The following DPYD variants were observed in gnomAD, a reference collection of about 807,000 sequenced individuals.
DPYD encodes the protein dihydropyrimidine dehydrogenase.
A neutral mutation model predicts 116.2 loss-of-function variants in DPYD; 109 were observed. The ratio of observed to expected loss-of-function variants is 0.94; its 90% CI spans 0.80 to 1.10. The LOEUF is 1.10. Among genes scored for constraint, DPYD ranks in the 50% least tolerant of loss-of-function variants. The pLI is 0.00. For synonymous variants in DPYD, 440 were observed against 432.0 expected, an observed-to-expected ratio of 1.02 and a Z score of -0.23; for missense variants, 1,302 against 1,254.5, an observed-to-expected ratio of 1.04 and a Z score of -0.57.
rs572719001 is a variant in DPYD, at chr1:97,716,737, G to T, written c.483+4773C>A. ...TTTCTAAACTTCAACATTCATTTGA[G>T]AATTCCACATTCTTTGTACAATTAT... On this transcript the variant is annotated intron_variant, in intron 5 of 22. Transcript: ENST00000370192. Among the ~76,000 whole-genome samples, 5 of 152,096 alleles carry T rather than the reference G, an allele frequency of 3.3e-5. No homozygotes were observed. The East Asian group carries it at 9.7e-4, about 29-fold the overall frequency.
chr1:97,661,628 T>TAAGG (rs1487150675), intron 8 of DPYD, among the ~76,000 whole-genome samples: 2 of 152,146 alleles, frequency 1.3e-5, no homozygotes, highest in Admixed American at 6.5e-5. Context: ...GAAGCAAACT[T>TAAGG]AAAGTCAATC....
At chr1:97,699,967 G>A (rs1400633359) in intron 5 of DPYD, among the ~76,000 whole-genome samples, 1 of 152,054 alleles carries the variant, frequency 6.6e-6, no homozygotes, top group Non-Finnish European at 1.5e-5. Flanking sequence ...ATAGGAGTTA[G>A]CATTGCGATG....
At chr1:97,482,672 C>T (rs540326055) in intron 13 of DPYD, among the ~76,000 whole-genome samples, 1 of 152,168 alleles carries the variant, frequency 6.6e-6, no homozygotes, top group South Asian at 2.1e-4. Flanking sequence ...ATACGAGTAG[C>T]CATTAAAGAG....
rs534128724 is a variant in DPYD at position 97,628,406 on chromosome 1, A to G, written c.851-33240T>C. Among the ~76,000 whole-genome samples, 7 of 152,138 alleles carry G rather than the reference A, an allele frequency of 4.6e-5. No individual in the cohort carries two copies. The South Asian group carries it at 1.4e-3, about 31-fold the overall frequency. ...TCTTATTGTGTATGGGAAAGAGAAAATATTCTCAGACATTAACAGTTAAAT... is the reference window on the plus strand; with the variant it reads ...TCTTATTGTGTATGGGAAAGAGAAAGTATTCTCAGACATTAACAGTTAAAT... On this transcript the variant is annotated intron_variant, in intron 8 of 22. Transcript: ENST00000370192.
chr1:97,318,088 C>T (rs1667975846), intron 16 of DPYD, among the ~76,000 whole-genome samples: 1 of 146,308 alleles, frequency 6.8e-6, no homozygotes, highest in Non-Finnish European at 1.5e-5. Context: ...AAGCGCTAAA[C>T]ATGGAAAGGA....
At chr1:97,246,870 G>A (rs1662754446) in intron 18 of DPYD, among the ~76,000 whole-genome samples, 1 of 151,940 alleles carries the variant, frequency 6.6e-6, no homozygotes, top group African/African-American at 2.4e-5. Flanking sequence ...TATTTTAATA[G>A]CAATTGTTAA....
At chr1:97,480,390 T>C (rs918585509) in intron 13 of DPYD, among the ~76,000 whole-genome samples, 1 of 152,168 alleles carries the variant, frequency 6.6e-6, no homozygotes, top group African/African-American at 2.4e-5. Context: ...AAAAAACATA[T>C]ACACTCATAA....
intron 3 of DPYD, chr1:97,774,573 C>T (rs1666302093): frequency 6.6e-6 from 1 of 152,564 alleles, no homozygotes; most frequent in Non-Finnish European, 1.5e-5. Flanking sequence ...GGTATCTACC[C>T]TTACTCTTTC....
chr1:97,453,079 T>A (rs1676505373), intron 13 of DPYD, among the ~76,000 whole-genome samples: 1 of 152,028 alleles, frequency 6.6e-6, no homozygotes, highest in Admixed American at 6.6e-5. Flanking sequence ...CTTGGATAGA[T>A]CCCTGAACCA....
chr1:97,729,488 G>A (rs1663465579), intron 4 of DPYD, among the ~76,000 whole-genome samples: 1 of 152,026 alleles, frequency 6.6e-6, no homozygotes, highest in African/African-American at 2.4e-5. Context: ...TCACTAAAAA[G>A]ATTTTGTTAA....
chr1:97,440,337 C>T (rs938389959), intron 14 of DPYD, among the ~76,000 whole-genome samples: 3 of 150,652 alleles, frequency 2.0e-5, no homozygotes, highest in African/African-American at 7.3e-5. Context: ...TTACATTTTT[C>T]ATGAGATTAT....
At chr1:97,509,378 T>A (rs186975426) in intron 13 of DPYD, among the ~76,000 whole-genome samples, 71 of 152,068 alleles carry the variant, frequency 4.7e-4, no homozygotes, top group African/African-American at 1.6e-3. Flanking sequence ...CAAACTGTTG[T>A]AGAGGTTTAA....
intron 16 of DPYD, among the ~76,000 whole-genome samples, chr1:97,357,186 T>C (rs1212046265): frequency 2.0e-5 from 3 of 152,344 alleles, no homozygotes; most frequent in Non-Finnish European, 4.4e-5. Flanking sequence ...CTTTTTCAAT[T>C]GCTTTCATCA....
At chr1:97,183,479 C>T (rs6681743) in intron 20 of DPYD, among the ~76,000 whole-genome samples, 1 of 151,968 alleles carries the variant, frequency 6.6e-6, no homozygotes, top group Admixed American at 6.6e-5. Flanking sequence ...CCCTGACACC[C>T]AAACACACTT....
At chr1:97,775,381 C>A (rs1024221112) in intron 3 of DPYD, among the ~76,000 whole-genome samples, 1 of 152,104 alleles carries the variant, frequency 6.6e-6, no homozygotes, top group Non-Finnish European at 1.5e-5. Flanking sequence ...AATTTCCCCC[C>A]CTGCTCTTGG....
At chr1:97,887,886 C>T (rs1305444751) in intron 1 of DPYD, among the ~76,000 whole-genome samples, 1 of 152,020 alleles carries the variant, frequency 6.6e-6, no homozygotes, top group Non-Finnish European at 1.5e-5. Context: ...TTATAAGTGA[C>T]TTTTCCGTCT....
intron 18 of DPYD, among the ~76,000 whole-genome samples, chr1:97,289,942 T>C (rs927155391): frequency 6.1e-4 from 93 of 152,108 alleles, no homozygotes; most frequent in Non-Finnish European, 7.6e-4. Context: ...GAAAACCCCA[T>C]TGTCTCAGCC....
intron 3 of DPYD, among the ~76,000 whole-genome samples, chr1:97,788,478 G>C (rs139113812): frequency 6.6e-6 from 1 of 152,128 alleles, no homozygotes; most frequent in Non-Finnish European, 1.5e-5. Context: ...CAGCATCAGC[G>C]GCGCTCCCAC....
At chr1:97,515,531 G>C (rs1013283052) in intron 13 of DPYD, among the ~76,000 whole-genome samples, 195 bp downstream of exon 13, 2 of 151,728 alleles carry the variant, frequency 1.3e-5, no homozygotes, top group African/African-American at 2.4e-5. Flanking sequence ...AATACTAAAT[G>C]AGCAATATAT....
Sources: gnomAD v4.1 joint callset for allele counts (sites outside exome capture counted in the v4.1 genomes callset) on GRCh38, gnomAD v4.1.1 for gene constraint, MANE v1.5 for transcripts, NCBI Gene and HGNC (gene_info 2026-07-23, HGNC 2026-07-21) for gene names.